The following MSI2 variants were observed in gnomAD, a reference collection of about 807,000 sequenced individuals.
MSI2 encodes the protein RNA-binding protein Musashi homolog 2.
MSI2 carries 17 observed loss-of-function variants against 45.6 expected under a neutral mutation model. The observed-to-expected ratio is 0.37, with a 90% CI of 0.26 to 0.56. The LOEUF (loss-of-function observed/expected upper bound fraction) is 0.56, where lower values mean the gene tolerates loss of function less well. MSI2 is among the 20% of genes least tolerant of loss of function. The pLI, the probability that MSI2 is intolerant of heterozygous loss-of-function variation, is 0.77. For missense variants in MSI2, 293 were observed against 444.2 expected, an observed-to-expected ratio of 0.66 and a Z score of 3.06; for synonymous variants, 156 against 158.2, an observed-to-expected ratio of 0.99 and a Z score of 0.11.
chr17:57,336,719 A>C (rs1914716632), intron 5 of MSI2, among the ~76,000 whole-genome samples: 1 of 152,250 alleles, frequency 6.6e-6, no homozygotes, highest in Non-Finnish European at 1.5e-5. Context: ...GTAATTAAAG[A>C]AATATTATAG....
Position 57,401,402 on chromosome 17 carries a change from A to G in MSI2, c.336A>G (p.Ile112Met). 6.2e-7 allele frequency: 1 copy of G among 1,614,134 alleles called. No individual in the cohort carries two copies. The highest frequency in any genetic ancestry group is 8.5e-7 in the Non-Finnish European group (1 of 1,179,982). Residue 112 changes from isoleucine (I) to methionine (M), a missense_variant, in exon 6 of 14, where the codon ATA (isoleucine) becomes ATG (methionine). By Grantham distance (10) the Ile-to-Met change is conservative. Transcript: ENST00000284073. ...QPKMVTRTKKIFVGGLSANTV... is the reference protein window; with the variant it reads ...QPKMVTRTKKMFVGGLSANTV... ...AGATGGTCACAAGAACAAAGAAAAT[A>G]TTTGTAGGCGGGTTATCTGCGAACA...
chr17:57,642,876 G>A (rs912720738), intron 10 of MSI2, among the ~76,000 whole-genome samples: 3 of 152,198 alleles, frequency 2.0e-5, no homozygotes, highest in Non-Finnish European at 4.4e-5. Flanking sequence ...CCTCTTTGGG[G>A]AGGGATTTAG....
intron 5 of MSI2, among the ~76,000 whole-genome samples, chr17:57,300,686 C>T (rs151110891): frequency 1.1e-4 from 16 of 152,276 alleles, no homozygotes; most frequent in African/African-American, 2.4e-4. Flanking sequence ...AATGGACTCA[C>T]AGTTCCACGT....
intron 6 of MSI2, among the ~76,000 whole-genome samples, chr17:57,499,436 C>T (rs1429136074): frequency 6.6e-6 from 1 of 150,800 alleles, no homozygotes; most frequent in Non-Finnish European, 1.5e-5. Flanking sequence ...CTCACCCCAC[C>T]CACAACACAC....
At chr17:57,657,893 AG>A in intron 11 of MSI2, among the ~76,000 whole-genome samples, 1 of 152,344 alleles carries the variant, frequency 6.6e-6, no homozygotes, top group Admixed American at 6.5e-5. Flanking sequence ...AGGAATATAA[AG>A]GCAGATGGCA....
At chr17:57,315,065 G>C (rs1441646762) in intron 5 of MSI2, among the ~76,000 whole-genome samples, 1 of 152,166 alleles carries the variant, frequency 6.6e-6, no homozygotes, top group East Asian at 1.9e-4. Context: ...AGCTCACCAG[G>C]TAATTTTTCT....
chr17:57,471,861 A>C (rs2085443758), intron 6 of MSI2, among the ~76,000 whole-genome samples: 2 of 152,184 alleles, frequency 1.3e-5, no homozygotes, highest in South Asian at 4.1e-4. Context: ...AGCCATCAGC[A>C]TCTGGAGGAG....
chr17:57,614,778 G>A (rs1907516115), intron 8 of MSI2, among the ~76,000 whole-genome samples: 1 of 152,180 alleles, frequency 6.6e-6, no homozygotes, highest in Admixed American at 6.5e-5. Context: ...AACAGTGAAG[G>A]AGCTTCCGAG....
At chr17:57,616,373 T>G in intron 9 of MSI2, 1 of 228,508 alleles carries the variant, frequency 4.4e-6, no homozygotes, top group Non-Finnish European at 8.5e-6. Flanking sequence ...CTTTTCCATC[T>G]CCTTCCTCAA....
intron 12 of MSI2, 52 bp from the exon 13 acceptor site, chr17:57,676,935 A>T: frequency 8.8e-7 from 1 of 1,140,458 alleles, no homozygotes; most frequent in Non-Finnish European, 1.3e-6. Flanking sequence ...GAATATGACA[A>T]TCTGTTCCCA....
chr17:57,476,940 C>A (rs2085548667), intron 6 of MSI2, among the ~76,000 whole-genome samples: 1 of 152,138 alleles, frequency 6.6e-6, no homozygotes. Context: ...CCATTTAAAG[C>A]TTGTAAAACA....
At chr17:57,575,131 C>T (rs1157816700) in intron 7 of MSI2, among the ~76,000 whole-genome samples, 2 of 150,138 alleles carry the variant, frequency 1.3e-5, no homozygotes, top group South Asian at 4.2e-4. Context: ...TGCCCGGCCG[C>T]ATTCTCTTTT....
intron 5 of MSI2, among the ~76,000 whole-genome samples, chr17:57,335,972 T>G (rs948261306): frequency 6.6e-6 from 1 of 152,268 alleles, no homozygotes; most frequent in Middle Eastern, 3.4e-3. Context: ...TTATTCGGTG[T>G]GCAAGGGGAA....
At chr17:57,606,335 C>A (rs994761242) in intron 8 of MSI2, 10 of 152,204 alleles carry the variant, frequency 6.6e-5, no homozygotes, top group East Asian at 5.8e-4. Context: ...CTCCGAGAGC[C>A]CTATGGGGTA....
Position 57,421,004 on chromosome 17 carries a change from G to A in MSI2, c.405+19533G>A, listed in dbSNP as rs1477156820. On this transcript the variant is annotated intron_variant, in intron 6 of 13. Coordinates refer to ENST00000284073, the MANE Select transcript of MSI2 (RefSeq NM_138962.4). Reference sequence around the variant, plus strand: ...GGCAATCGTATTGCACTATAGCTTTGGTGATTATGCTCGACTGGAGACTAT... The same window carrying A: ...GGCAATCGTATTGCACTATAGCTTTAGTGATTATGCTCGACTGGAGACTAT... 2.0e-5 allele frequency among the ~76,000 whole-genome samples: 3 copies of A among 152,294 alleles called. No homozygotes were observed. The East Asian group carries it at 5.8e-4, about 29-fold the overall frequency.
intron 5 of MSI2, among the ~76,000 whole-genome samples, chr17:57,373,068 G>C (rs530003911): frequency 6.6e-6 from 1 of 152,202 alleles, no homozygotes; most frequent in East Asian, 1.9e-4. Context: ...GGCCAACATA[G>C]TGGTAGAGAC....
chr17:57,585,453 G>C (rs1267631277), intron 7 of MSI2, among the ~76,000 whole-genome samples: 1 of 152,154 alleles, frequency 6.6e-6, no homozygotes, highest in African/African-American at 2.4e-5. Context: ...GATACCAAGG[G>C]TCAGAGTGGT....
intron 1 of MSI2, 92 bp from the exon 2 acceptor site, chr17:57,257,005 TC>T (rs546253707): frequency 2.3e-5 from 34 of 1,483,380 alleles, no homozygotes; most frequent in East Asian, 1.1e-4. Flanking sequence ...GCTCGCTCGC[TC>T]CCCCCCGCTT....
chr17:57,427,697 C>T (rs2084520790), intron 6 of MSI2, among the ~76,000 whole-genome samples: 1 of 152,200 alleles, frequency 6.6e-6, no homozygotes, highest in African/African-American at 2.4e-5. Flanking sequence ...AATCCAGCCT[C>T]TCCATCCAAT....
Sources: gnomAD v4.1 joint callset for allele counts (sites outside exome capture counted in the v4.1 genomes callset) on GRCh38, gnomAD v4.1.1 for gene constraint, MANE v1.5 for transcripts, NCBI Gene and HGNC (gene_info 2026-07-23, HGNC 2026-07-21) for gene names.